PTCSC3: variants seen among roughly 807,000 people sequenced by gnomAD.
PTCSC3 encodes papillary thyroid carcinoma susceptibility candidate 3 (non-protein coding).
chr14:36,150,958 A>T (rs1211351759), intron 3 of PTCSC3, among the ~76,000 whole-genome samples: 1 of 152,008 alleles, frequency 6.6e-6, no homozygotes, highest in Non-Finnish European at 1.5e-5. Context: ...ACCTTCCTTT[A>T]TACCTTCTTT....
chr14:36,164,804 T>C (rs1464848195), intron 1 of PTCSC3, among the ~76,000 whole-genome samples: 1 of 152,230 alleles, frequency 6.6e-6, no homozygotes, highest in Non-Finnish European at 1.5e-5. Context: ...AAGAGATTCC[T>C]GTAGAACATT....
chr14:36,155,012 T>C, intron 2 of PTCSC3, among the ~76,000 whole-genome samples: 1 of 152,214 alleles, frequency 6.6e-6, no homozygotes, highest in East Asian at 1.9e-4. Context: ...ATGAGTATTA[T>C]ATTCTCTGCT....
chr14:36,168,960 T>C (rs1882145351), intron 1 of PTCSC3, among the ~76,000 whole-genome samples: 1 of 152,084 alleles, frequency 6.6e-6, no homozygotes, highest in Non-Finnish European at 1.5e-5. Flanking sequence ...CACCAAAAAA[T>C]GCAATTATTA....
At chr14:36,173,984 C>A (rs1358074455) in intron 1 of PTCSC3, among the ~76,000 whole-genome samples, 3 of 151,804 alleles carry the variant, frequency 2.0e-5, no homozygotes, top group Non-Finnish European at 4.4e-5. Flanking sequence ...TATAAAGTAC[C>A]TTTTTTTTCT....
chr14:36,140,203 GGATGTATCAC>G, intron 3 of PTCSC3, among the ~76,000 whole-genome samples: 1 of 152,148 alleles, frequency 6.6e-6, no homozygotes, highest in Non-Finnish European at 1.5e-5. Flanking sequence ...TCCATTGTAT[GGATGTATCAC>G]AGTTTGAATT....
intron 3 of PTCSC3, among the ~76,000 whole-genome samples, chr14:36,141,201 T>C (rs1881412010): frequency 6.6e-6 from 1 of 152,186 alleles, no homozygotes; most frequent in Non-Finnish European, 1.5e-5. Flanking sequence ...TCTTTGATAT[T>C]GTATTGGCTC....
intron 3 of PTCSC3, among the ~76,000 whole-genome samples, chr14:36,148,922 T>G (rs1881657917): frequency 1.3e-5 from 2 of 152,294 alleles, no homozygotes; most frequent in Admixed American, 1.3e-4. Flanking sequence ...TTAGCCTGGC[T>G]AAGGGTTTAT....
intron 1 of PTCSC3, among the ~76,000 whole-genome samples, chr14:36,163,891 C>G (rs1348876745): frequency 6.6e-6 from 1 of 152,110 alleles, no homozygotes; most frequent in Non-Finnish European, 1.5e-5. Flanking sequence ...GAACCAAGAC[C>G]TATAGTCAGA....
chr14:36,174,826 A>G (rs1232442845), intron 1 of PTCSC3, among the ~76,000 whole-genome samples: 1 of 152,186 alleles, frequency 6.6e-6, no homozygotes, highest in African/African-American at 2.4e-5. Flanking sequence ...TAATATGTGC[A>G]CTTTGTGGTG....
At chr14:36,173,815 CTTTA>C (rs1306560522) in intron 1 of PTCSC3, among the ~76,000 whole-genome samples, 9 of 152,070 alleles carry the variant, frequency 5.9e-5, no homozygotes, top group Admixed American at 3.9e-4. Flanking sequence ...CAGCAAATGT[CTTTA>C]TTTAACTCTT....
chr14:36,148,717 C>G (rs1881652062), intron 3 of PTCSC3, among the ~76,000 whole-genome samples: 1 of 152,142 alleles, frequency 6.6e-6, no homozygotes, highest in Admixed American at 6.5e-5. Flanking sequence ...TAGATTCAGG[C>G]CTATTCAGAT....
chr14:36,157,196 TG>T (rs1188939045), intron 2 of PTCSC3, among the ~76,000 whole-genome samples: 2 of 152,258 alleles, frequency 1.3e-5, no homozygotes, highest in East Asian at 3.8e-4. Flanking sequence ...GTTTTTCGGC[TG>T]CATAAATGTC....
intron 1 of PTCSC3, among the ~76,000 whole-genome samples, chr14:36,172,764 C>T (rs1882212411): frequency 6.6e-6 from 1 of 152,078 alleles, no homozygotes; most frequent in Non-Finnish European, 1.5e-5. Context: ...CCTCCTCACT[C>T]TCCCCAAGCA....
chr14:36,149,684 T>C (rs1193299790), intron 3 of PTCSC3, among the ~76,000 whole-genome samples: 2 of 152,214 alleles, frequency 1.3e-5, no homozygotes, highest in Non-Finnish European at 2.9e-5. Flanking sequence ...TTTTGGAGAA[T>C]TGACACTTTT....
intron 2 of PTCSC3, among the ~76,000 whole-genome samples, chr14:36,156,448 T>A (rs1206517336): frequency 6.7e-6 from 1 of 150,124 alleles, no homozygotes; most frequent in East Asian, 1.9e-4. Flanking sequence ...CATTCCTTTT[T>A]CTTTTTCAAA....
intron 3 of PTCSC3, among the ~76,000 whole-genome samples, chr14:36,138,684 T>C (rs953847140): frequency 6.6e-6 from 1 of 152,174 alleles, no homozygotes; most frequent in Non-Finnish European, 1.5e-5. Context: ...CAAGTATTGG[T>C]GAGAATATGG....
chr14:36,168,360 A>AATATATATATATATATATATATAT (rs147400390), intron 1 of PTCSC3, among the ~76,000 whole-genome samples: 2 of 113,930 alleles, frequency 1.8e-5, no homozygotes, highest in African/African-American at 8.7e-5. Context: ...ATTGATTCTG[A>AATATATATATATATATATATATAT]ATATATATAT....
rs1315339214 is a variant in PTCSC3 at position 36,144,348 on chromosome 14, G to A, written n.323-7992C>T. Among the ~76,000 whole-genome samples, 173 of 144,944 alleles carry A rather than the reference G, an allele frequency of 1.2e-3. 1 individual carries two copies. The highest frequency in any genetic ancestry group is 4.3e-3 in the African/African-American group (166 of 38,984). On this transcript the variant is annotated intron_variant and non_coding_transcript_variant, in intron 3 of 3. Coordinates refer to ENST00000556013, the Ensembl canonical transcript of PTCSC3. ...CTTTTATTTCCTTGAGCAGTGGTTT[G>A]TAGTTCTCCTTGAAGAGGTCCTTCA...
chr14:36,145,404 G>C (rs1881537469), intron 3 of PTCSC3, among the ~76,000 whole-genome samples: 3 of 150,734 alleles, frequency 2.0e-5, no homozygotes, highest in East Asian at 1.9e-4. Flanking sequence ...TGTATGTGTT[G>C]AGGAATTTAT....
Sources: allele counts gnomAD v4.1 joint callset (sites outside exome capture counted in the v4.1 genomes callset), GRCh38; gene constraint gnomAD v4.1.1; transcripts MANE v1.5; gene names NCBI Gene and HGNC (gene_info 2026-07-23, HGNC 2026-07-21).